SYNJ1: variants seen among roughly 807,000 people sequenced by gnomAD.
The protein encoded by SYNJ1 is polyphosphatidylinositol phosphatase SYNJ1.
Under a neutral mutation model 168.2 loss-of-function variants are expected in SYNJ1, and 78 were observed. The observed-to-expected ratio is 0.46, with a 90% confidence interval of 0.39 to 0.56. The LOEUF (loss-of-function observed/expected upper bound fraction) is 0.56. SYNJ1 is among the 20% of genes least tolerant of loss of function. SYNJ1 has a pLI of 0.00. For missense variants in SYNJ1, 1,303 were observed against 1,597.6 expected (o/e 0.82, Z 3.14); for synonymous variants, 539 against 548.6 (o/e 0.98, Z 0.24).
In SYNJ1 at chr21:32,681,470, T is replaced by C. The variant is rs1305870744; in HGVS notation, c.1353+26A>G. ...AAGAGAGGAAAAAGAGGATATTCTGTAATGTTATGATAGATCTAGATATAC... is the reference window on the plus strand; with the variant it reads ...AAGAGAGGAAAAAGAGGATATTCTGCAATGTTATGATAGATCTAGATATAC... On this transcript the variant is annotated intron_variant, in intron 11 of 32. Transcript: ENST00000674351. The C allele has an allele frequency of 5.1e-6, 8 of 1,575,534 alleles. No individual in the cohort carries two copies. The Admixed American group carries it at 1.4e-4, about 28-fold the overall frequency.
At position 32,685,425 on chromosome 21, in the gene SYNJ1, CAAAAAAAAAAA is replaced by C. The variant is rs57470866; in HGVS notation, c.1118+312_1118+322del. 1.0e-3 allele frequency among the ~76,000 whole-genome samples: 70 copies of C among 67,246 alleles called. No individual in the cohort carries two copies. In the South Asian group the frequency reaches 0.025, roughly 24 times the overall value. 44.1% of individuals were successfully genotyped at this position (67,246 alleles called of 152,430 possible). A position where few individuals can be genotyped will look rare whatever the true frequency, so the allele number is the denominator to read the frequency against. ...AATACAGGGAGACCCCCGTCTCTAC[CAAAAAAAAAAA>C]AAAAAAAAAAAAATAAGCCAGGCAT... is the stretch of plus-strand genomic sequence containing the variant. On this transcript the variant is annotated intron_variant, in intron 9 of 32. Coordinates refer to ENST00000674351, the MANE Select transcript of SYNJ1 (RefSeq NM_203446.3).
chr21:32,646,822 A>G (rs1316405217), intron 23 of SYNJ1, among the ~76,000 whole-genome samples: 1 of 152,190 alleles, frequency 6.6e-6, no homozygotes, highest in Non-Finnish European at 1.5e-5. Context: ...GAGCAATAAG[A>G]TGTCAGGTGA....
chr21:32,673,520 C>A lies in SYNJ1; in HGVS notation c.1546G>T (p.Val516Leu), dbSNP rs113708828. 1.9e-6 allele frequency: 3 copies of A among 1,605,738 alleles called. No individual in the cohort carries two copies. Among genetic ancestry groups the A allele is most frequent in the Non-Finnish European group, 2.6e-6 (3 of 1,176,388 alleles). The change falls in exon 14 of 33, where the codon GTA (valine) becomes TTA (leucine). Residue 516 changes from valine (V) to leucine (L), a missense_variant. Transcript: ENST00000674351. ...EQTLQSASSK[V>L]LKSMCENFYK... Reference sequence around the variant, plus strand: ...AAATTCTCACACATGCTCTTTAGTACTTTAGAAGATGCTAATCAAGAGAAG... The same window carrying A: ...AAATTCTCACACATGCTCTTTAGTAATTTAGAAGATGCTAATCAAGAGAAG...
chr21:32,719,955 C>T (rs753318824), intron 2 of SYNJ1, among the ~76,000 whole-genome samples: 8 of 151,316 alleles, frequency 5.3e-5, no homozygotes, highest in Non-Finnish European at 7.4e-5. Context: ...AAAAACTTAA[C>T]GAGGCCAGGC....
In SYNJ1 at chr21:32,666,004, G is replaced by A; in HGVS notation, c.2084C>T (p.Ser695Leu). The A allele has an allele frequency of 1.2e-6, 2 of 1,613,718 alleles. No homozygotes were observed. Among genetic ancestry groups the A allele is most frequent in the Non-Finnish European group, 1.7e-6 (2 of 1,179,864 alleles). Residue 695 changes from serine to leucine, a missense_variant, in exon 17 of 33, where the codon TCA (serine) becomes TTA (leucine). By Grantham distance (145) the Ser-to-Leu change is moderately radical. Around this residue, in one of 2 missense-constraint regions of SYNJ1, gnomAD observed 920 missense variants for 1,208.8 expected, o/e 0.76. Transcript: ENST00000674351. ...ATCTTCATTTCTTTCTTTGACTTGTGACTGCCCTGCAGCAAAGTGGCTACA... is the reference window on the plus strand; with the variant it reads ...ATCTTCATTTCTTTCTTTGACTTGTAACTGCCCTGCAGCAAAGTGGCTACA... ...FVCSHFAAGQ[S>L]QVKERNEDFI...
intron 2 of SYNJ1, among the ~76,000 whole-genome samples, chr21:32,719,404 T>C (rs192298168): frequency 2.6e-5 from 4 of 152,338 alleles, no homozygotes; most frequent in Admixed American, 1.3e-4. Flanking sequence ...GGCAGTGTAC[T>C]CTGTTCCAAG....
In SYNJ1 at chr21:32,697,756, G is replaced by A. The variant is rs534827985; in HGVS notation, c.479+2082C>T. On this transcript the variant is annotated intron_variant, in intron 4 of 32. Coordinates refer to ENST00000674351, the MANE Select transcript of SYNJ1 (RefSeq NM_203446.3). Reference sequence around the variant, plus strand: ...GTGAAGGTTGCAGTGAGCCAAGATCGCGCCACTGCGCTCCAGCCTGGGCGA... The same window carrying A: ...GTGAAGGTTGCAGTGAGCCAAGATCACGCCACTGCGCTCCAGCCTGGGCGA... Among the ~76,000 whole-genome samples, 395 of 152,316 alleles carry A rather than the reference G, an allele frequency of 2.6e-3. 5 individuals carry two copies. The highest frequency in any genetic ancestry group is 8.8e-3 in the African/African-American group (367 of 41,566).
At chr21:32,636,870 T>C (rs1009198814) in intron 31 of SYNJ1, among the ~76,000 whole-genome samples, 1 of 152,112 alleles carries the variant, frequency 6.6e-6, no homozygotes, top group African/African-American at 2.4e-5. Context: ...AAAAGATACT[T>C]CAGGATTTGA....
intron 4 of SYNJ1, among the ~76,000 whole-genome samples, chr21:32,695,495 G>A (rs1431924631): frequency 6.6e-6 from 1 of 152,028 alleles, no homozygotes; most frequent in Non-Finnish European, 1.5e-5. Flanking sequence ...CAGAAAAGGA[G>A]TATTTTTGTG....
At chr21:32,657,197 CTTCCTT>C in intron 19 of SYNJ1, 77 bp from the exon 20 acceptor site, 1 of 977,892 alleles carries the variant, frequency 1.0e-6, no homozygotes, top group South Asian at 1.5e-5. Flanking sequence ...AGGCATTCTC[CTTCCTT>C]TCATGAGCTT....
At chr21:32,711,478 G>A (rs922568068) in intron 2 of SYNJ1, among the ~76,000 whole-genome samples, 9 of 151,864 alleles carry the variant, frequency 5.9e-5, no homozygotes, top group African/African-American at 1.9e-4. Flanking sequence ...GACTACAGGC[G>A]CGCGCCACCA....
At chr21:32,711,389 G>A (rs1167094372) in intron 2 of SYNJ1, among the ~76,000 whole-genome samples, 1 of 151,202 alleles carries the variant, frequency 6.6e-6, no homozygotes, top group East Asian at 1.9e-4. Context: ...CTGGAGTGCA[G>A]TGGTGTGATC....
chr21:32,638,918 G>A lies in SYNJ1; in HGVS notation c.3905C>T (p.Ser1302Leu). The change falls in exon 31 of 33, where the codon TCA (serine) becomes TTA (leucine). Residue 1302 changes from serine to leucine, a missense_variant. Coordinates refer to ENST00000674351, the MANE Select transcript of SYNJ1 (RefSeq NM_203446.3). ...SSHSLPSEAS[S>L]QPQQEQPSG ...ACAAATGAGACTTACTTGCGGTTGT[G>A]AGGAAGCTTCTGAAGGCAAGCTATG... The A allele has an allele frequency of 6.2e-7, 1 of 1,600,446 alleles. No homozygotes were observed. The highest frequency in any genetic ancestry group is 8.5e-7 in the Non-Finnish European group (1 of 1,171,208).
intron 2 of SYNJ1, among the ~76,000 whole-genome samples, chr21:32,704,451 GT>G (rs1433291502): frequency 6.6e-6 from 1 of 152,238 alleles, no homozygotes; most frequent in African/African-American, 2.4e-5. Flanking sequence ...TGCTTCAAAG[GT>G]TTTGAGTAGA....
intron 10 of SYNJ1, 129 bp from the exon 11 acceptor site, chr21:32,681,777 A>G (rs1327003904): frequency 3.0e-5 from 23 of 754,976 alleles, no homozygotes; most frequent in South Asian, 5.5e-5. Flanking sequence ...TTCTGAAAAC[A>G]TAACAGTTTA....
At chr21:32,660,862 G>A (rs2040670797) in intron 18 of SYNJ1, among the ~76,000 whole-genome samples, 1 of 152,198 alleles carries the variant, frequency 6.6e-6, no homozygotes, top group Non-Finnish European at 1.5e-5. Context: ...ATTAGAGGCA[G>A]TGTGGAAACC....
Position 32,645,707 on chromosome 21 carries a change from C to T in SYNJ1, c.3330G>A (p.Pro1110=). 1 of 1,474,222 alleles carries T rather than the reference C, an allele frequency of 6.8e-7. No homozygotes were observed. Among genetic ancestry groups the T allele is most frequent in the Admixed American group, 2.7e-5 (1 of 36,514 alleles). 91.3% of individuals were successfully genotyped at this position (1,474,222 alleles called of 1,614,324 possible). A position where few individuals can be genotyped will look rare whatever the true frequency, so the allele number is the denominator to read the frequency against. ...GTGTGGGAGGGGCGACCGGGCGGGG[C>T]GGCGGCGGCCGCTTGGGCTCCAAGG... The part of the protein sequence containing the change: ...AQPLEPKRPP[P]PRPVAPPTRP... The change falls in exon 25 of 33, where the codon CCG becomes CCA. Residue 1110 remains proline, a synonymous_variant. Coordinates refer to ENST00000674351, the MANE Select transcript of SYNJ1 (RefSeq NM_203446.3).
intron 14 of SYNJ1, 58 bp downstream of exon 14, chr21:32,673,282 T>C: frequency 4.1e-6 from 6 of 1,457,028 alleles, no homozygotes; most frequent in African/African-American, 1.4e-5. Context: ...ATTTGTTTTC[T>C]AGATCAATAC....
chr21:32,632,891 G>A lies in SYNJ1; in HGVS notation c.*4-1090C>T, dbSNP rs141410027. Among the ~76,000 whole-genome samples, 1,089 of 152,120 alleles carry A rather than the reference G, an allele frequency of 7.2e-3. 10 individuals are homozygous for A. Among genetic ancestry groups the A allele is most frequent in the African/African-American group, 0.024 (996 of 41,500 alleles). On this transcript the variant is annotated intron_variant, in intron 32 of 32. Transcript: ENST00000674351. ...AAAAATTAGCTGGGCATGGTGGTGC[G>A]CGCCTATAATCCCAGCTACTCAGGA... is the stretch of plus-strand genomic sequence containing the variant.
Sources: allele counts gnomAD v4.1 joint callset (sites outside exome capture counted in the v4.1 genomes callset), GRCh38; gene constraint gnomAD v4.1.1; regional missense constraint gnomAD v4.1.1; transcripts MANE v1.5; gene names NCBI Gene and HGNC (gene_info 2026-07-23, HGNC 2026-07-21).